The following PARN variants were observed in gnomAD, a reference collection of about 807,000 sequenced individuals.
PARN encodes the protein poly(A)-specific ribonuclease, also known as poly(A)-specific ribonuclease PARN.
Under a neutral mutation model 102.8 loss-of-function variants are expected in PARN, and 71 were observed. The ratio of observed to expected loss-of-function variants is 0.69; its 90% CI spans 0.57 to 0.84. The LOEUF (loss-of-function observed/expected upper bound fraction) is 0.84. Among genes scored for constraint, PARN ranks in the 40% least tolerant of loss-of-function variants. The pLI is 0.00. For missense variants in PARN, 782 were observed against 760.9 expected (o/e 1.03, Z -0.33); for synonymous variants, 261 against 252.9 (o/e 1.03, Z -0.30).
At chr16:14,613,518 G>A (rs1159173461) in intron 6 of PARN, among the ~76,000 whole-genome samples, 1 of 152,092 alleles carries the variant, frequency 6.6e-6, no homozygotes, top group African/African-American at 2.4e-5. Context: ...AGGTACTCAG[G>A]AGGCTGAGGT....
intron 13 of PARN, among the ~76,000 whole-genome samples, chr16:14,587,681 G>C (rs1315710401): frequency 1.3e-5 from 2 of 152,036 alleles, no homozygotes; most frequent in African/African-American, 4.8e-5. Flanking sequence ...TTCTTCTAAA[G>C]GTAGATGGAA....
chr16:14,586,743 A>AT (rs1388221199), intron 13 of PARN, among the ~76,000 whole-genome samples: 1 of 152,224 alleles, frequency 6.6e-6, no homozygotes, highest in Non-Finnish European at 1.5e-5. Flanking sequence ...CAAATTTATC[A>AT]TAACAGTGAG....
intron 18 of PARN, among the ~76,000 whole-genome samples, chr16:14,573,477 T>C (rs1249313262): frequency 6.6e-6 from 1 of 152,184 alleles, no homozygotes; most frequent in Non-Finnish European, 1.5e-5. Flanking sequence ...CCGCACCCCT[T>C]ATATTTCAAG....
intron 23 of PARN, among the ~76,000 whole-genome samples, chr16:14,437,746 AGGGAGAGAAG>A (rs1382087516): frequency 2.6e-5 from 4 of 152,182 alleles, no homozygotes; most frequent in African/African-American, 9.7e-5. Flanking sequence ...GATTTTAGAA[AGGGAGAGAAG>A]TCTTTGATGA....
At chr16:14,617,891 T>C (rs1050466958) in intron 5 of PARN, among the ~76,000 whole-genome samples, 1 of 152,214 alleles carries the variant, frequency 6.6e-6, no homozygotes. Context: ...TTTTTTTTTA[T>C]AGACAGGGTC....
chr16:14,584,477 T>G, intron 15 of PARN, 55 bp from the exon 16 acceptor site: 1 of 1,419,092 alleles, frequency 7.0e-7, no homozygotes, highest in South Asian at 1.2e-5. Flanking sequence ...AACAATATAT[T>G]AAAGAGATTC....
chr16:14,601,023 T>C (rs1205717327), intron 11 of PARN, among the ~76,000 whole-genome samples: 1 of 152,140 alleles, frequency 6.6e-6, no homozygotes, highest in Non-Finnish European at 1.5e-5. Context: ...GTGCCGTTGA[T>C]GAAAATGTTA....
intron 21 of PARN, among the ~76,000 whole-genome samples, chr16:14,507,465 G>A (rs961253777): frequency 4.6e-5 from 7 of 152,282 alleles, no homozygotes; most frequent in Admixed American, 2.0e-4. Context: ...GGGAGGCCAA[G>A]GTGGGTGCAT....
intron 20 of PARN, 61 bp downstream of exon 20, chr16:14,554,004 T>C: frequency 9.7e-7 from 1 of 1,029,026 alleles, no homozygotes; most frequent in African/African-American, 1.6e-5. Context: ...TTTCTACTTC[T>C]GACCACCTAT....
At chr16:14,611,006 T>C (rs1971490492) in intron 6 of PARN, among the ~76,000 whole-genome samples, 197 bp from the exon 7 acceptor site, 1 of 152,226 alleles carries the variant, frequency 6.6e-6, no homozygotes, top group South Asian at 2.1e-4. Context: ...TCAAGAAATA[T>C]TTATCTGGCA....
intron 9 of PARN, among the ~76,000 whole-genome samples, chr16:14,607,219 A>T (rs562999825): frequency 4.6e-5 from 7 of 151,624 alleles, no homozygotes; most frequent in Admixed American, 2.0e-4. Flanking sequence ...TTATTTATTT[A>T]TTTTTTTGAG....
At chr16:14,629,170 A>C (rs1260116269) in intron 2 of PARN, among the ~76,000 whole-genome samples, 1 of 152,226 alleles carries the variant, frequency 6.6e-6, no homozygotes, top group East Asian at 1.9e-4. Context: ...TCAGACTGTG[A>C]AGATGAAGAA....
In PARN at chr16:14,627,453, C is replaced by T. The variant is rs181936556; in HGVS notation, c.178-117G>A. On this transcript the variant is annotated intron_variant, in intron 3 of 23. Coordinates refer to ENST00000437198, the MANE Select transcript of PARN (RefSeq NM_002582.4). ...CAATGAGACTTCAGCAGAATACTTCCAATTAGAACAGATTACACATATGAA... is the reference window on the plus strand; with the variant it reads ...CAATGAGACTTCAGCAGAATACTTCTAATTAGAACAGATTACACATATGAA... 1,452 of 687,334 alleles carry T rather than the reference C, an allele frequency of 2.1e-3. 3 individuals are homozygous for T. Among genetic ancestry groups the T allele is most frequent in the Non-Finnish European group, 2.9e-3 (1,112 of 382,514 alleles). 42.6% of individuals were successfully genotyped at this position (687,334 alleles called of 1,614,324 possible). A position where few individuals can be genotyped will look rare whatever the true frequency, so the allele number is the denominator to read the frequency against.
intron 21 of PARN, among the ~76,000 whole-genome samples, chr16:14,497,165 C>CT (rs34898715): frequency 2.0e-3 from 303 of 152,102 alleles, no homozygotes; most frequent in Non-Finnish European, 3.7e-3. Flanking sequence ...TTTCTCCCCT[C>CT]TTTTTTTTAA....
intron 21 of PARN, among the ~76,000 whole-genome samples, chr16:14,530,895 A>T (rs1966285501): frequency 6.6e-6 from 1 of 152,200 alleles, no homozygotes; most frequent in African/African-American, 2.4e-5. Context: ...ACTGGGTGGG[A>T]CAGACTGACA....
rs2151710973 is a variant in PARN at position 14,555,655 on chromosome 16, G to C, written c.1317C>G (p.Asp439Glu). 1 of 1,402,240 alleles carries C rather than the reference G, an allele frequency of 7.1e-7. No homozygotes were observed. Among genetic ancestry groups the C allele is most frequent in the Non-Finnish European group, 9.8e-7 (1 of 1,019,366 alleles). The allele number at this position is 1,402,240 out of a possible 1,614,324, so 86.9% of individuals were successfully genotyped here. Residue 439 changes from aspartate (D) to glutamate (E), a missense_variant and splice_region_variant, in exon 19 of 24, where the codon GAC becomes GAG. Asp to Glu is a conservative substitution (Grantham distance 45). Coordinates refer to ENST00000437198, the MANE Select transcript of PARN (RefSeq NM_002582.4). ...ATAAGAAAATAAAAATTTACTTACA[G>C]TCTGGTCCTTCCAAGTTTAGATAGG... Reference protein sequence around the residue: ...DIPYLNLEGPDLQPKRDHVLH... With the variant: ...DIPYLNLEGPELQPKRDHVLH...
intron 12 of PARN, among the ~76,000 whole-genome samples, chr16:14,596,596 A>T (rs895652549): frequency 2.0e-5 from 3 of 151,754 alleles, no homozygotes; most frequent in African/African-American, 7.3e-5. Context: ...ATATAAAATT[A>T]TCCACGTGTG....
intron 18 of PARN, among the ~76,000 whole-genome samples, chr16:14,570,013 T>A (rs879598819): frequency 6.6e-6 from 1 of 152,132 alleles, no homozygotes; most frequent in African/African-American, 2.4e-5. Flanking sequence ...CTATATGGTA[T>A]GTGAATTTAT....
At chr16:14,628,094 T>G (rs1972789095) in intron 3 of PARN, 78 bp downstream of exon 3, 2 of 881,058 alleles carry the variant, frequency 2.3e-6, no homozygotes, top group Non-Finnish European at 3.8e-6. Context: ...AATGCACAAG[T>G]TTAGTAACAA....
Sources: gnomAD v4.1 joint callset for allele counts (sites outside exome capture counted in the v4.1 genomes callset) on GRCh38, gnomAD v4.1.1 for gene constraint, MANE v1.5 for transcripts, NCBI Gene and HGNC (gene_info 2026-07-23, HGNC 2026-07-21) for gene names.